Variants in LYRM4 observed in about 807,000 individuals in gnomAD.
LYRM4 encodes LYR motif containing 4, also known as LYR motif-containing protein 4.
A neutral mutation model predicts 11.7 loss-of-function variants in LYRM4; 9 were observed. That is an observed-to-expected ratio of 0.77 (90% CI 0.46 to 1.34). The LOEUF (loss-of-function observed/expected upper bound fraction) is 1.34. Among genes scored for constraint, LYRM4 ranks in the 40% most tolerant of loss-of-function variants. The pLI is 0.00. For missense variants in LYRM4, 133 were observed against 112.5 expected, an observed-to-expected ratio of 1.18 and a Z score of -0.82; for synonymous variants, 42 against 40.4, an observed-to-expected ratio of 1.04 and a Z score of -0.15.
At chr6:5,244,602 C>G (rs1764056751) in intron 1 of LYRM4, among the ~76,000 whole-genome samples, 1 of 152,110 alleles carries the variant, frequency 6.6e-6, no homozygotes, top group Non-Finnish European at 1.5e-5. Flanking sequence ...AGATCCAGAC[C>G]TGAGTCCCTT....
chr6:5,215,675 G>A (rs1762234873), intron 2 of LYRM4, among the ~76,000 whole-genome samples: 1 of 152,102 alleles, frequency 6.6e-6, no homozygotes, highest in Non-Finnish European at 1.5e-5. Context: ...CATGAAGAAG[G>A]GTCAGGGAAA....
chr6:5,208,131 C>G (rs1395565366), intron 2 of LYRM4, among the ~76,000 whole-genome samples: 3 of 152,160 alleles, frequency 2.0e-5, no homozygotes, highest in Non-Finnish European at 4.4e-5. Flanking sequence ...ACAACGTATT[C>G]AAAGTGTGGA....
the LYRM4 span, chr6:5,054,509 A>G: frequency 1.3e-5 from 2 of 153,782 alleles, no homozygotes; most frequent in Non-Finnish European, 1.5e-5. Flanking sequence ...AATTCCTGGT[A>G]ACAGCATTAT....
the LYRM4 span, chr6:5,065,990 T>G: frequency 9.4e-6 from 3 of 320,044 alleles, 1 homozygote; most frequent in South Asian, 1.2e-4. Context: ...AGATTGGCAC[T>G]GCACCTCCCA....
chr6:5,168,295 T>A (rs1759210768), intron 2 of LYRM4, among the ~76,000 whole-genome samples: 1 of 152,152 alleles, frequency 6.6e-6, no homozygotes, highest in East Asian at 1.9e-4. Context: ...GAACAGGGTA[T>A]CAACTAGGTT....
At chr6:5,245,307 A>T (rs1764146424) in intron 1 of LYRM4, among the ~76,000 whole-genome samples, 1 of 151,234 alleles carries the variant, frequency 6.6e-6, no homozygotes, top group Admixed American at 6.6e-5. Context: ...CTGGGTCTGA[A>T]CATGGCCGCC....
chr6:5,065,615 TAGC>T, the LYRM4 span, among the ~76,000 whole-genome samples: 2 of 152,210 alleles, frequency 1.3e-5, no homozygotes, highest in Non-Finnish European at 1.5e-5. Context: ...GTGAATAAAA[TAGC>T]AGCCACTGTT....
At chr6:5,084,620 C>A in the LYRM4 span, 1 of 152,202 alleles carries the variant, frequency 6.6e-6, no homozygotes, top group African/African-American at 2.4e-5. Context: ...TGGCCGCTCC[C>A]CGGCGCGTCC....
At chr6:5,177,971 G>T (rs1205512919) in intron 2 of LYRM4, among the ~76,000 whole-genome samples, 2 of 151,636 alleles carry the variant, frequency 1.3e-5, no homozygotes, top group African/African-American at 4.9e-5. Flanking sequence ...CTCACCCTGG[G>T]CTCTCACTAT....
intron 1 of LYRM4, among the ~76,000 whole-genome samples, chr6:5,222,494 A>G (rs1762634736): frequency 6.6e-6 from 1 of 152,188 alleles, no homozygotes; most frequent in South Asian, 2.1e-4. Flanking sequence ...CAAGATCTGT[A>G]GATAAAGAGA....
chr6:5,107,659 G>A (rs1762701752), downstream of LYRM4: 1 of 152,188 alleles, frequency 6.6e-6, no homozygotes, highest in South Asian at 2.1e-4. Context: ...GCAGCTCCCA[G>A]GCAGGAACTG....
intron 1 of LYRM4, among the ~76,000 whole-genome samples, chr6:5,233,266 A>G (rs1763347521): frequency 6.6e-6 from 1 of 152,238 alleles, no homozygotes; most frequent in Admixed American, 6.5e-5. Flanking sequence ...GCAAGCCGAA[A>G]GCAGGTGACA....
chr6:5,193,921 A>G (rs919480504), intron 2 of LYRM4, among the ~76,000 whole-genome samples: 1 of 152,138 alleles, frequency 6.6e-6, no homozygotes, highest in African/African-American at 2.4e-5. Context: ...CGGATGATCA[A>G]AATTAATGGT....
chr6:5,208,505 T>C (rs1323905301), intron 2 of LYRM4, among the ~76,000 whole-genome samples: 1 of 152,220 alleles, frequency 6.6e-6, no homozygotes, highest in Non-Finnish European at 1.5e-5. Context: ...ACTGCTGCCT[T>C]TTATGGGAGC....
intron 2 of LYRM4, among the ~76,000 whole-genome samples, chr6:5,119,654 G>C (rs1303769438): frequency 6.6e-6 from 1 of 151,870 alleles, no homozygotes; most frequent in Non-Finnish European, 1.5e-5. Flanking sequence ...GCTGGACGTG[G>C]TGGCCCATGC....
chr6:5,040,604 A>G, the LYRM4 span, among the ~76,000 whole-genome samples: 6 of 152,302 alleles, frequency 3.9e-5, no homozygotes, highest in African/African-American at 1.4e-4. Flanking sequence ...ATAGAAAACA[A>G]TAATCTATTG....
chr6:5,224,095 G>A (rs139990360), intron 1 of LYRM4, among the ~76,000 whole-genome samples: 16 of 152,262 alleles, frequency 1.1e-4, no homozygotes, highest in East Asian at 7.7e-4. Context: ...CACATGGAGC[G>A]TCCTTTTCCA....
intron 2 of LYRM4, among the ~76,000 whole-genome samples, chr6:5,161,379 T>C (rs958081845): frequency 1.3e-5 from 2 of 152,230 alleles, no homozygotes; most frequent in Non-Finnish European, 2.9e-5. Flanking sequence ...AGTTTTTCTA[T>C]TGCATTGTCT....
intron 2 of LYRM4, among the ~76,000 whole-genome samples, chr6:5,195,832 G>A (rs970343056): frequency 9.2e-5 from 14 of 152,120 alleles, no homozygotes; most frequent in African/African-American, 3.1e-4. Context: ...AGCTGCATGA[G>A]GGCAGGGGCA....
Sources: allele counts gnomAD v4.1 joint callset (sites outside exome capture counted in the v4.1 genomes callset), GRCh38; gene constraint gnomAD v4.1.1; transcripts MANE v1.5; gene names NCBI Gene and HGNC (gene_info 2026-07-23, HGNC 2026-07-21).